The following FSTL5 variants were observed in gnomAD, a reference collection of about 807,000 sequenced individuals.
FSTL5 encodes the protein follistatin-related protein 5.
Under a neutral mutation model 89.1 loss-of-function variants are expected in FSTL5, and 62 were observed. The observed-to-expected ratio is 0.70, with a 90% CI of 0.57 to 0.86. The LOEUF (loss-of-function observed/expected upper bound fraction) is 0.86, where lower values mean the gene tolerates loss of function less well. FSTL5 is among the 40% of genes least tolerant of loss of function. The pLI is 0.00. For missense variants in FSTL5, 1,057 were observed against 1,001.6 expected (o/e 1.06, Z -0.75); for synonymous variants, 383 against 346.2 (o/e 1.11, Z -1.18).
intron 15 of FSTL5, among the ~76,000 whole-genome samples, chr4:161,440,865 T>C (rs943050521): frequency 3.9e-5 from 6 of 152,160 alleles, no homozygotes; most frequent in East Asian, 1.9e-4. Context: ...TTGAGCATGA[T>C]AGAAATCATT....
At chr4:161,699,486 T>C (rs1738299610) in intron 6 of FSTL5, among the ~76,000 whole-genome samples, 1 of 152,160 alleles carries the variant, frequency 6.6e-6, no homozygotes, top group South Asian at 2.1e-4. Flanking sequence ...TAGAGACCAC[T>C]GTGTTTAAGA....
chr4:162,101,915 A>G (rs1731011397), intron 2 of FSTL5, among the ~76,000 whole-genome samples: 1 of 152,220 alleles, frequency 6.6e-6, no homozygotes, highest in South Asian at 2.1e-4. Flanking sequence ...ATGGATCAAT[A>G]TCAATGATTA....
chr4:161,772,481 G>A (rs1230229071), intron 5 of FSTL5, among the ~76,000 whole-genome samples: 1 of 145,230 alleles, frequency 6.9e-6, no homozygotes, highest in Non-Finnish European at 1.5e-5. Flanking sequence ...TCCTAGAACT[G>A]ATAAATGAAT....
chr4:162,124,383 C>T (rs1373818818), intron 1 of FSTL5, among the ~76,000 whole-genome samples: 9 of 152,056 alleles, frequency 5.9e-5, no homozygotes, highest in Non-Finnish European at 1.5e-5. Flanking sequence ...TAAGCCTGAC[C>T]ACCAGTAATT....
At chr4:161,955,350 C>G (rs982749048) in intron 3 of FSTL5, among the ~76,000 whole-genome samples, 6 of 149,978 alleles carry the variant, frequency 4.0e-5, no homozygotes, top group African/African-American at 1.5e-4. Context: ...CTTAAGGTAA[C>G]AAAAAAGCAA....
chr4:161,471,405 T>G (rs1244966877), intron 13 of FSTL5, among the ~76,000 whole-genome samples: 3 of 152,248 alleles, frequency 2.0e-5, no homozygotes, highest in African/African-American at 7.2e-5. Context: ...GAATAAATCC[T>G]ACTTGGTCAT....
At chr4:161,753,952 G>A (rs1740485903) in intron 6 of FSTL5, among the ~76,000 whole-genome samples, 2 of 150,646 alleles carry the variant, frequency 1.3e-5, no homozygotes, top group Non-Finnish European at 3.0e-5. Flanking sequence ...TGAGGCAGGA[G>A]AATGGTGTGA....
At chr4:161,676,670 ATAAAG>A (rs1737315417) in intron 6 of FSTL5, among the ~76,000 whole-genome samples, 1 of 151,980 alleles carries the variant, frequency 6.6e-6, no homozygotes, top group African/African-American at 2.4e-5. Flanking sequence ...TTAAAAAATA[ATAAAG>A]TAAATAAATT....
intron 7 of FSTL5, among the ~76,000 whole-genome samples, chr4:161,615,318 T>TAAAAAAAAAAAAAAAAAA (rs1734819543): frequency 1.6e-5 from 1 of 63,760 alleles, no homozygotes; most frequent in Non-Finnish European, 3.0e-5. Context: ...AAAAAAAAAT[T>TAAAAAAAAAAAAAAAAAA]AGCTGGGCAT....
intron 8 of FSTL5, among the ~76,000 whole-genome samples, chr4:161,563,850 A>C (rs1732698644): frequency 6.6e-6 from 1 of 152,058 alleles, no homozygotes; most frequent in Non-Finnish European, 1.5e-5. Flanking sequence ...TAGAAGTGCC[A>C]ACCTGTTTTG....
At chr4:161,815,957 T>C (rs1263866100) in intron 4 of FSTL5, among the ~76,000 whole-genome samples, 3 of 152,138 alleles carry the variant, frequency 2.0e-5, no homozygotes, top group African/African-American at 7.2e-5. Flanking sequence ...AATAAAAAAA[T>C]ACAGTGTCTT....
chr4:161,900,857 C>T (rs1478399733), intron 4 of FSTL5, among the ~76,000 whole-genome samples: 1 of 151,812 alleles, frequency 6.6e-6, no homozygotes, highest in Non-Finnish European at 1.5e-5. Context: ...ACGCTTATTA[C>T]CAAGATTATT....
chr4:161,657,692 TAAAG>T (rs755334611), intron 6 of FSTL5, among the ~76,000 whole-genome samples: 6 of 152,130 alleles, frequency 3.9e-5, no homozygotes, highest in Non-Finnish European at 7.3e-5. Flanking sequence ...AAATATCCAA[TAAAG>T]AGTTATTTGG....
intron 1 of FSTL5, among the ~76,000 whole-genome samples, chr4:162,131,280 C>T (rs944904528): frequency 6.6e-6 from 1 of 152,142 alleles, no homozygotes; most frequent in East Asian, 1.9e-4. Context: ...TGGAGGATAT[C>T]TTTTCACTTA....
chr4:161,419,794 T>C lies in FSTL5; in HGVS notation c.1842-33345A>G, dbSNP rs763750174. The stretch of plus-strand genomic sequence containing the variant: ...ATTGGAGTGGCCCCAGTCACTGTTA[T>C]ACCAGTGACCTATTAGCAGAATTTC... On this transcript the variant is annotated intron_variant, in intron 15 of 15. Transcript: ENST00000306100. Among the ~76,000 whole-genome samples the C allele has an allele frequency of 3.3e-5, 5 of 152,316 alleles. No homozygotes were observed. In the South Asian group the frequency reaches 8.3e-4, roughly 25 times the overall value.
At chr4:161,425,544 G>T (rs1012813238) in intron 15 of FSTL5, among the ~76,000 whole-genome samples, 1 of 152,060 alleles carries the variant, frequency 6.6e-6, no homozygotes, top group African/African-American at 2.4e-5. Context: ...GCTATTTTTT[G>T]CCCAGGAAAT....
At chr4:161,834,927 T>C (rs1730983802) in intron 4 of FSTL5, among the ~76,000 whole-genome samples, 1 of 150,488 alleles carries the variant, frequency 6.6e-6, no homozygotes, top group South Asian at 2.1e-4. Context: ...ACCAATGACT[T>C]TCTTCACAGA....
chr4:162,026,427 C>A (rs1358540838), intron 3 of FSTL5, among the ~76,000 whole-genome samples: 1 of 148,522 alleles, frequency 6.7e-6, no homozygotes, highest in Non-Finnish European at 1.5e-5. Flanking sequence ...ACTGCCTCAG[C>A]CTCCTGAGTA....
intron 10 of FSTL5, among the ~76,000 whole-genome samples, chr4:161,535,366 A>G (rs1009697470): frequency 3.3e-5 from 5 of 152,150 alleles, no homozygotes; most frequent in African/African-American, 1.2e-4. Context: ...ATCTACAAAC[A>G]TCTTAAATCA....
Sources: gnomAD v4.1 joint callset for allele counts (sites outside exome capture counted in the v4.1 genomes callset) on GRCh38, gnomAD v4.1.1 for gene constraint, MANE v1.5 for transcripts, NCBI Gene and HGNC (gene_info 2026-07-23, HGNC 2026-07-21) for gene names.